LUZP2: variants seen among roughly 807,000 people sequenced by gnomAD.
LUZP2 encodes the protein leucine zipper protein 2.
Under a neutral mutation model 51.6 loss-of-function variants are expected in LUZP2, and 52 were observed. That is an observed-to-expected ratio of 1.01 (90% CI 0.81 to 1.27). The LOEUF (loss-of-function observed/expected upper bound fraction) is 1.27. Ranked by LOEUF, LUZP2 falls within the 50% of genes most tolerant of loss-of-function variation. The probability of loss-of-function intolerance (pLI) is 0.00; values close to 1 mark genes in which losing one functional copy is unlikely to be tolerated. For synonymous variants in LUZP2, 154 were observed against 137.3 expected, an observed-to-expected ratio of 1.12 and a Z score of -0.85; for missense variants, 436 against 395.4, an observed-to-expected ratio of 1.10 and a Z score of -0.87.
intron 1 of LUZP2, among the ~76,000 whole-genome samples, chr11:24,571,792 C>T (rs1247542794): frequency 2.0e-5 from 3 of 151,974 alleles, no homozygotes; most frequent in Admixed American, 6.6e-5. Flanking sequence ...TTTGTATCTG[C>T]TGATTTTTAC....
At chr11:24,771,528 A>C (rs1055205161) in intron 5 of LUZP2, among the ~76,000 whole-genome samples, 1 of 151,208 alleles carries the variant, frequency 6.6e-6, no homozygotes, top group African/African-American at 2.4e-5. Flanking sequence ...ACACAGGGCC[A>C]GGACTTTGCA....
intron 9 of LUZP2, among the ~76,000 whole-genome samples, chr11:25,036,421 A>T (rs917698924): frequency 2.0e-5 from 3 of 151,204 alleles, no homozygotes; most frequent in Non-Finnish European, 3.0e-5. Flanking sequence ...TGAAGAACCA[A>T]CTCGGTTTCA....
chr11:24,701,058 T>C (rs558784847), intron 1 of LUZP2, among the ~76,000 whole-genome samples: 4 of 152,208 alleles, frequency 2.6e-5, no homozygotes, highest in Non-Finnish European at 4.4e-5. Context: ...TATGGCTGTA[T>C]TCATCTGTTT....
At chr11:24,951,318 T>C (rs530066692) in intron 7 of LUZP2, among the ~76,000 whole-genome samples, 2 of 151,674 alleles carry the variant, frequency 1.3e-5, no homozygotes, top group Non-Finnish European at 3.0e-5. Flanking sequence ...TACACTCAAA[T>C]GTCAGCACAA....
Position 24,611,646 on chromosome 11 carries a change from A to G in LUZP2, c.62+114341A>G, listed in dbSNP as rs959249969. Among the ~76,000 whole-genome samples, 3 of 151,996 alleles carry G rather than the reference A, an allele frequency of 2.0e-5. No homozygotes were observed. Among genetic ancestry groups the G allele is most frequent in the African/African-American group, 7.2e-5 (3 of 41,418 alleles). ...TTCTTCATCATAATCATTCATCGTC[A>G]TCATCATCATCATCCCTGGCGTTTA... On this transcript the variant is annotated intron_variant, in intron 1 of 11. Transcript: ENST00000336930. This position sits in a 1 kb window ranked among gnomAD's most constrained non-coding sequence, Gnocchi z 4.6.
intron 9 of LUZP2, among the ~76,000 whole-genome samples, chr11:25,024,349 G>A (rs1249796202): frequency 6.6e-6 from 1 of 151,418 alleles, no homozygotes; most frequent in African/African-American, 2.5e-5. Context: ...AAATGAGGAA[G>A]TCAAATTGTC....
At chr11:24,775,718 C>A (rs1057425236) in intron 5 of LUZP2, among the ~76,000 whole-genome samples, 9 of 152,116 alleles carry the variant, frequency 5.9e-5, no homozygotes, top group Non-Finnish European at 1.0e-4. Context: ...TGAAACCATG[C>A]TCCTTATACC....
chr11:24,944,925 A>C (rs950426112), intron 7 of LUZP2, among the ~76,000 whole-genome samples: 1 of 152,218 alleles, frequency 6.6e-6, no homozygotes, highest in Non-Finnish European at 1.5e-5. Flanking sequence ...TATTATGAAT[A>C]GATTTATCTT....
chr11:24,694,570 G>T (rs1434697915), intron 1 of LUZP2, among the ~76,000 whole-genome samples: 1 of 151,880 alleles, frequency 6.6e-6, no homozygotes, highest in East Asian at 1.9e-4. Context: ...CCCATTACTG[G>T]GTATATACCC....
intron 1 of LUZP2, among the ~76,000 whole-genome samples, chr11:24,566,928 T>C: frequency 4.6e-4 from 1 of 2,170 alleles, no homozygotes; most frequent in Non-Finnish European, 9.2e-4. Context: ...TGTATATATG[T>C]ATATATATAT....
At chr11:25,074,796 T>C (rs1044586710) in intron 10 of LUZP2, among the ~76,000 whole-genome samples, 1 of 152,112 alleles carries the variant, frequency 6.6e-6, no homozygotes, top group Non-Finnish European at 1.5e-5. Flanking sequence ...CCCTGGTGTG[T>C]TTTTTTAGCA....
chr11:24,659,696 A>G (rs1196230404), intron 1 of LUZP2, among the ~76,000 whole-genome samples: 1 of 152,182 alleles, frequency 6.6e-6, no homozygotes, highest in East Asian at 1.9e-4. Flanking sequence ...GATGAAAAAA[A>G]TTGATTTATT....
chr11:24,720,022 G>C (rs1858201836), intron 1 of LUZP2, among the ~76,000 whole-genome samples: 1 of 152,168 alleles, frequency 6.6e-6, no homozygotes, highest in Non-Finnish European at 1.5e-5. Context: ...GAATCATTAA[G>C]TAAATAAATG....
At chr11:24,675,246 A>G (rs976313535) in intron 1 of LUZP2, among the ~76,000 whole-genome samples, 1 of 152,222 alleles carries the variant, frequency 6.6e-6, no homozygotes, top group East Asian at 1.9e-4. Context: ...CATTTTCCTA[A>G]CAGACATACA....
At chr11:24,948,427 T>C (rs577987264) in intron 7 of LUZP2, among the ~76,000 whole-genome samples, 1 of 151,868 alleles carries the variant, frequency 6.6e-6, no homozygotes, top group Non-Finnish European at 1.5e-5. Flanking sequence ...CATGGGGCTT[T>C]CTCAAAGGTA....
At chr11:24,811,532 G>T (rs1850022542) in intron 5 of LUZP2, among the ~76,000 whole-genome samples, 1 of 151,644 alleles carries the variant, frequency 6.6e-6, no homozygotes, top group South Asian at 2.1e-4. Context: ...AGGAGTACAT[G>T]TGCAGGTTTG....
intron 1 of LUZP2, among the ~76,000 whole-genome samples, chr11:24,652,507 A>G (rs564423232): frequency 1.3e-5 from 2 of 152,130 alleles, no homozygotes; most frequent in Non-Finnish European, 2.9e-5. Context: ...AGAAAAGATT[A>G]AACGTGAAAA....
At chr11:24,525,288 T>C (rs914504867) in intron 1 of LUZP2, among the ~76,000 whole-genome samples, 2 of 151,700 alleles carry the variant, frequency 1.3e-5, no homozygotes, top group African/African-American at 2.4e-5. Context: ...CATATGAAAA[T>C]GATGCCACAT....
chr11:24,668,305 AG>A (rs1160917228), intron 1 of LUZP2, among the ~76,000 whole-genome samples: 1 of 152,204 alleles, frequency 6.6e-6, no homozygotes, highest in African/African-American at 2.4e-5. Flanking sequence ...CGAAGATTCC[AG>A]GGTAAATGTC....
Sources: gnomAD v4.1 joint callset for allele counts (sites outside exome capture counted in the v4.1 genomes callset) on GRCh38, gnomAD v4.1.1 for gene constraint, Gnocchi (gnomAD v3.1) non-coding constraint, MANE v1.5 for transcripts, NCBI Gene and HGNC (gene_info 2026-07-23, HGNC 2026-07-21) for gene names.